Variants in COL27A1 observed in about 807,000 individuals in gnomAD.
COL27A1 encodes the protein collagen type XXVII alpha 1 chain, also known as collagen alpha-1(XXVII) chain.
In COL27A1, 106 loss-of-function variants were observed where a neutral mutation model predicts 251.3. The observed-to-expected ratio is 0.42, with a 90% confidence interval of 0.36 to 0.50. The LOEUF (loss-of-function observed/expected upper bound fraction) is 0.50, where lower values mean the gene tolerates loss of function less well. COL27A1 is among the 20% of genes least tolerant of loss of function. The probability of loss-of-function intolerance (pLI) is 0.00; values close to 1 mark genes in which losing one functional copy is unlikely to be tolerated. For missense variants in COL27A1, 2,325 were observed against 2,522.8 expected, an observed-to-expected ratio of 0.92 and a Z score of 1.68; for synonymous variants, 1,000 against 986.3, an observed-to-expected ratio of 1.01 and a Z score of -0.26.
rs1192795744 is a variant in COL27A1 at position 114,166,453 on chromosome 9, A to ATCCATCCG, written c.134-1229_134-1228insGTCCATCC. ...CATCCATCCATTCATCTATCCATCC[A>ATCCATCCG]TCCATCCATCCATCCATCCATCCAT... is the stretch of plus-strand genomic sequence containing the variant. On this transcript the variant is annotated intron_variant, in intron 2 of 60. Transcript: ENST00000356083. 4.0e-5 allele frequency among the ~76,000 whole-genome samples: 6 copies of ATCCATCCG among 151,674 alleles called. No homozygotes were observed. In the East Asian group the frequency reaches 9.7e-4, roughly 25 times the overall value.
At chr9:114,191,899 G>T (rs989004169) in intron 5 of COL27A1, among the ~76,000 whole-genome samples, 12 of 144,870 alleles carry the variant, frequency 8.3e-5, no homozygotes, top group Middle Eastern at 3.6e-3. Flanking sequence ...TGTGTCCAGG[G>T]CTTAAGGAGC....
At chr9:114,263,084 A>G (rs1005324625) in intron 28 of COL27A1, among the ~76,000 whole-genome samples, 4 of 151,930 alleles carry the variant, frequency 2.6e-5, no homozygotes, top group Non-Finnish European at 5.9e-5. Context: ...GACTACAGGC[A>G]CACACCACCA....
At chr9:114,292,243 G>T in intron 49 of COL27A1, 33 bp downstream of exon 49, 1 of 1,480,324 alleles carries the variant, frequency 6.8e-7, no homozygotes. Context: ...ACATGCCCAC[G>T]CACTCACACA....
intron 3 of COL27A1, among the ~76,000 whole-genome samples, chr9:114,174,997 G>A (rs992449721): frequency 1.3e-5 from 2 of 152,276 alleles, no homozygotes; most frequent in African/African-American, 4.8e-5. Flanking sequence ...ACCTAGGATC[G>A]GACTTTGGTC....
In COL27A1 at chr9:114,308,497, T is replaced by C. The variant is rs143831143; in HGVS notation, c.5217+719T>C. Reference sequence around the variant, plus strand: ...AGGCAGCCAGCCAGTAGCCAGGTCTTTGTTGGGTCCCTATCATGTGCCAGG... The same window carrying C: ...AGGCAGCCAGCCAGTAGCCAGGTCTCTGTTGGGTCCCTATCATGTGCCAGG... On this transcript the variant is annotated intron_variant, in intron 59 of 60. Coordinates refer to ENST00000356083, the MANE Select transcript of COL27A1 (RefSeq NM_032888.4). 7.8e-3 allele frequency among the ~76,000 whole-genome samples: 1,181 copies of C among 152,272 alleles called. 5 individuals carry two copies. Among genetic ancestry groups the C allele is most frequent in the South Asian group, 0.025 (119 of 4,818 alleles).
chr9:114,264,884 A>C (rs568411370), intron 29 of COL27A1, 40 bp from the exon 30 acceptor site: 1 of 1,594,168 alleles, frequency 6.3e-7, no homozygotes, highest in South Asian at 1.1e-5. Flanking sequence ...CGGTCCTCCC[A>C]AGCACCCTCT....
intron 33 of COL27A1, 80 bp from the exon 34 acceptor site, chr9:114,267,424 C>A: frequency 7.8e-7 from 1 of 1,287,640 alleles, no homozygotes; most frequent in African/African-American, 1.5e-5. Context: ...CTCTTGCCCT[C>A]TTGGAGCCTC....
At chr9:114,196,553 C>T (rs1829148796) in intron 7 of COL27A1, among the ~76,000 whole-genome samples, 1 of 152,230 alleles carries the variant, frequency 6.6e-6, no homozygotes, top group Non-Finnish European at 1.5e-5. Context: ...ACTCCTGCTT[C>T]TGCCATTTCC....
chr9:114,210,912 T>C (rs1830309400), intron 11 of COL27A1, 70 bp from the exon 12 acceptor site: 1 of 1,547,494 alleles, frequency 6.5e-7, no homozygotes. Context: ...GGCTCTGGGC[T>C]GGTTTGGGGC....
At chr9:114,302,261 G>T (rs1588897646) in intron 56 of COL27A1, among the ~76,000 whole-genome samples, 153 bp downstream of exon 56, 2 of 152,178 alleles carry the variant, frequency 1.3e-5, no homozygotes, top group African/African-American at 4.8e-5. Context: ...TGGAGACTTG[G>T]ACCCGGAAGC....
chr9:114,183,996 G>A (rs544249521), intron 5 of COL27A1, among the ~76,000 whole-genome samples: 5 of 152,274 alleles, frequency 3.3e-5, no homozygotes, highest in East Asian at 1.9e-4. Context: ...GAGGATTGCC[G>A]GAGCCAGCAA....
At chr9:114,267,615 G>C (rs1056850253) in intron 34 of COL27A1, 58 bp downstream of exon 34, 1 of 1,438,368 alleles carries the variant, frequency 7.0e-7, no homozygotes, top group Non-Finnish European at 9.6e-7. Context: ...CCAGATGGTG[G>C]CCACATCCTC....
In COL27A1 at chr9:114,290,296, G is replaced by T. The variant is rs1827825531; in HGVS notation, c.4333G>T (p.Gly1445Trp). The T allele has an allele frequency of 6.3e-7, 1 of 1,583,462 alleles. No individual in the cohort carries two copies. The highest frequency in any genetic ancestry group is 2.3e-5 in the East Asian group (1 of 43,836). Residue 1445 changes from glycine to tryptophan, a missense_variant, in exon 47 of 61, where the codon GGG becomes TGG. Physicochemically the swap from Gly to Trp is radical, Grantham distance 184. Transcript: ENST00000356083. The surrounding 1 kb of genome is among the most constrained non-coding windows in gnomAD (Gnocchi z 4.6). ...CCTCGAGGGCATCGCTGGACCAGAT[G>T]GGCTTCCTGGCAGGGACGGGCAAGC... The part of the protein sequence containing the change: ...QGLEGIAGPD[G>W]LPGRDGQAGQ...
Position 114,211,009 on chromosome 9 carries a change from G to T in COL27A1, c.2350G>T (p.Gly784Cys), listed in dbSNP as rs747011668. Residue 784 changes from glycine (G) to cysteine (C), a missense_variant, in exon 12 of 61, where the codon GGC becomes TGC. Coordinates refer to ENST00000356083, the MANE Select transcript of COL27A1 (RefSeq NM_032888.4). ...CCTGCCTGGCGTTCCTGGCAAGAGG[G>T]GCAAGATGGGTATGCCGGTAAAGAT... ...RGLPGVPGKR[G>C]KMGMPGFPGV... 6.2e-7 allele frequency: 1 copy of T among 1,614,228 alleles called. No homozygotes were observed. The highest frequency in any genetic ancestry group is 1.7e-5 in the Admixed American group (1 of 60,036).
At chr9:114,257,213 A>T (rs1012492229) in intron 27 of COL27A1, among the ~76,000 whole-genome samples, 7 of 151,702 alleles carry the variant, frequency 4.6e-5, no homozygotes, top group African/African-American at 1.7e-4. Flanking sequence ...TATTCAGAGG[A>T]GGGATGAGAC....
chr9:114,183,809 C>A (rs920798888), intron 5 of COL27A1, among the ~76,000 whole-genome samples: 1 of 152,120 alleles, frequency 6.6e-6, no homozygotes, highest in African/African-American at 2.4e-5. Context: ...AGAGATGCCA[C>A]CTCCCCCAGG....
chr9:114,231,954 GTCCACTC>G, intron 16 of COL27A1, 88 bp downstream of exon 16: 1 of 1,309,984 alleles, frequency 7.6e-7, no homozygotes, highest in Admixed American at 1.7e-5. Flanking sequence ...TTCTCGCCAG[GTCCACTC>G]CCCTGCACTC....
intron 14 of COL27A1, among the ~76,000 whole-genome samples, chr9:114,228,408 G>A (rs1212439309): frequency 6.6e-6 from 1 of 152,218 alleles, no homozygotes; most frequent in African/African-American, 2.4e-5. Flanking sequence ...CACCCTGGCT[G>A]CCTTCGTCCA....
At chr9:114,228,581 C>A (rs1343670969) in intron 14 of COL27A1, among the ~76,000 whole-genome samples, 3 of 152,228 alleles carry the variant, frequency 2.0e-5, no homozygotes, top group African/African-American at 4.8e-5. Context: ...CCCAGCGGTG[C>A]CCCGACTCCG....
Sources: gnomAD v4.1 joint callset for allele counts (sites outside exome capture counted in the v4.1 genomes callset) on GRCh38, gnomAD v4.1.1 for gene constraint, Gnocchi (gnomAD v3.1) non-coding constraint, MANE v1.5 for transcripts, NCBI Gene and HGNC (gene_info 2026-07-23, HGNC 2026-07-21) for gene names.